The following SRRM3 variants were observed in gnomAD, a reference collection of about 807,000 sequenced individuals.
SRRM3 encodes the protein serine/arginine repetitive matrix 3.
Under a neutral mutation model 66.2 loss-of-function variants are expected in SRRM3, and 27 were observed. The ratio of observed to expected loss-of-function variants is 0.41; its 90% CI spans 0.30 to 0.56. The LOEUF (loss-of-function observed/expected upper bound fraction) is 0.56. Ranked by LOEUF, SRRM3 falls within the 20% of genes least tolerant of loss-of-function variation. The probability of loss-of-function intolerance (pLI) is 0.32; values close to 1 mark genes in which losing one functional copy is unlikely to be tolerated. For missense variants in SRRM3, 918 were observed against 991.9 expected (o/e 0.93, Z 1.00); for synonymous variants, 391 against 414.9 (o/e 0.94, Z 0.70).
intron 1 of SRRM3, among the ~76,000 whole-genome samples, chr7:76,234,474 A>C (rs1280857628): frequency 6.6e-6 from 1 of 152,070 alleles, no homozygotes; most frequent in Non-Finnish European, 1.5e-5. Flanking sequence ...TCAAACAGAG[A>C]GCTAAAATCT....
At chr7:76,208,516 AG>A (rs1282663826) in intron 1 of SRRM3, among the ~76,000 whole-genome samples, 2 of 149,640 alleles carry the variant, frequency 1.3e-5, no homozygotes, top group African/African-American at 4.9e-5. Flanking sequence ...AAAAAAAAAA[AG>A]AAGAAGAAGA....
chr7:76,221,074 T>C (rs1583875957), intron 1 of SRRM3, among the ~76,000 whole-genome samples: 2 of 150,654 alleles, frequency 1.3e-5, no homozygotes, highest in East Asian at 1.9e-4. Context: ...TTTTTTTTTT[T>C]CCAGACAAGG....
intron 8 of SRRM3, 109 bp downstream of exon 8, chr7:76,261,690 A>C: frequency 8.0e-7 from 1 of 1,243,778 alleles, no homozygotes; most frequent in Non-Finnish European, 1.1e-6. Flanking sequence ...TCCATCCTTC[A>C]GCTCCAGGGT....
chr7:76,254,212 G>A (rs1168751955), intron 3 of SRRM3, among the ~76,000 whole-genome samples: 1 of 151,514 alleles, frequency 6.6e-6, no homozygotes, highest in Non-Finnish European at 1.5e-5. Flanking sequence ...TACAGACGGG[G>A]GTCTTGCTTT....
Position 76,220,659 on chromosome 7 carries a change from C to A in SRRM3, c.-39-14369C>A, listed in dbSNP as rs782468192. ...TGCCCAGGCATGGCTGGACCCAGCC[C>A]TAGACTGAAAAGGGGAGGGCAGAAG... On this transcript the variant is annotated intron_variant, in intron 1 of 14. Transcript: ENST00000611745. Among the ~76,000 whole-genome samples, 29 of 152,204 alleles carry A rather than the reference C, an allele frequency of 1.9e-4. 1 individual carries two copies. Among genetic ancestry groups the A allele is most frequent in the Non-Finnish European group, 2.1e-4 (14 of 68,040 alleles).
rs537923961 is a variant in SRRM3, at chr7:76,245,093, T to C, written c.234-3095T>C. Among the ~76,000 whole-genome samples the C allele has an allele frequency of 2.0e-5, 3 of 152,318 alleles. No homozygotes were observed. In the South Asian group the frequency reaches 6.2e-4, roughly 32 times the overall value. ...GCAAACGCTAGCATTGAACCTGCGA[T>C]GGGGGGAGGCATCCATCTTACTGTA... On this transcript the variant is annotated intron_variant, in intron 2 of 14. Coordinates refer to ENST00000611745, the MANE Select transcript of SRRM3 (RefSeq NM_001110199.3).
intron 6 of SRRM3, 68 bp downstream of exon 6, chr7:76,260,971 C>T: frequency 6.6e-7 from 1 of 1,509,902 alleles, no homozygotes; most frequent in Non-Finnish European, 9.0e-7. Context: ...ATTCCAAGGC[C>T]ATCCCCCAGA....
chr7:76,248,840 C>A (rs923256452), intron 3 of SRRM3, among the ~76,000 whole-genome samples: 1 of 152,092 alleles, frequency 6.6e-6, no homozygotes, highest in African/African-American at 2.4e-5. Context: ...GTTATCCGGG[C>A]ATAGTGGCAC....
At chr7:76,252,745 A>G (rs1454643659) in intron 3 of SRRM3, among the ~76,000 whole-genome samples, 2 of 152,206 alleles carry the variant, frequency 1.3e-5, no homozygotes, top group Non-Finnish European at 2.9e-5. Context: ...TCTTGACATC[A>G]TAGGGAATGT....
chr7:76,245,678 T>TTTTG (rs782049186), intron 2 of SRRM3, among the ~76,000 whole-genome samples: 12 of 152,282 alleles, frequency 7.9e-5, no homozygotes, highest in South Asian at 4.1e-4. Flanking sequence ...CTTGTTGGTT[T>TTTTG]TTTGTTTGTT....
intron 11 of SRRM3, chr7:76,273,176 T>C (rs551871117): frequency 6.6e-6 from 1 of 152,330 alleles, no homozygotes; most frequent in African/African-American, 2.4e-5. Context: ...TGCCTGACTT[T>C]GTCTGTTCGT....
intron 2 of SRRM3, among the ~76,000 whole-genome samples, chr7:76,241,259 T>C (rs149157074): frequency 1.3e-5 from 2 of 152,326 alleles, no homozygotes; most frequent in African/African-American, 4.8e-5. Flanking sequence ...TGCATGGCCC[T>C]AGGCTGGCCG....
At chr7:76,221,520 G>A (rs949155139) in intron 1 of SRRM3, among the ~76,000 whole-genome samples, 1 of 151,800 alleles carries the variant, frequency 6.6e-6, no homozygotes, top group South Asian at 2.1e-4. Flanking sequence ...CCACCACCAC[G>A]CCCAGCTAAT....
At position 76,254,072 on chromosome 7, in the gene SRRM3, G is replaced by A. The variant is rs148028725; in HGVS notation, c.335+5783G>A. ...TCACTGTCACCCAGGCTGGAGTGCAGTGACACAATCACAGCTCATTGCTGC... is the reference window on the plus strand; with the variant it reads ...TCACTGTCACCCAGGCTGGAGTGCAATGACACAATCACAGCTCATTGCTGC... On this transcript the variant is annotated intron_variant, in intron 3 of 14. Coordinates refer to ENST00000611745, the MANE Select transcript of SRRM3 (RefSeq NM_001110199.3). 1.3e-3 allele frequency among the ~76,000 whole-genome samples: 197 copies of A among 152,016 alleles called. 8 individuals carry two copies. In the South Asian group the frequency reaches 0.037, roughly 28 times the overall value.
Position 76,267,364 on chromosome 7 carries a change from C to T in SRRM3, c.937C>T (p.Arg313Trp). Residue 313 changes from arginine (R) to tryptophan (W), a missense_variant, in exon 11 of 15, where the codon CGG (arginine) becomes TGG (tryptophan). Coordinates refer to ENST00000611745, the MANE Select transcript of SRRM3 (RefSeq NM_001110199.3). The part of the protein sequence containing the change: ...SGGSGWGSPQ[R>W]NGGSGQRSGA... Reference sequence around the variant, plus strand: ...CGGCAGCGGATGGGGGTCGCCCCAGCGGAACGGCGGCAGCGGGCAGCGGAG... The same window carrying T: ...CGGCAGCGGATGGGGGTCGCCCCAGTGGAACGGCGGCAGCGGGCAGCGGAG... 1.3e-5 allele frequency: 19 copies of T among 1,475,756 alleles called. No homozygotes were observed. Among genetic ancestry groups the T allele is most frequent in the Admixed American group, 2.9e-5 (1 of 34,848 alleles). The allele number at this position is 1,475,756 out of a possible 1,614,324, so 91.4% of individuals were successfully genotyped here. A position where few individuals can be genotyped will look rare whatever the true frequency, so the allele number is the denominator to read the frequency against.
Position 76,283,032 on chromosome 7 carries a change from G to A in SRRM3, c.1664G>A (p.Arg555His), listed in dbSNP as rs1554612237. Residue 555 changes from arginine (R) to histidine (H), a missense_variant, in exon 14 of 15, where the codon CGC becomes CAC. Arg to His is a conservative substitution (Grantham distance 29). Transcript: ENST00000611745. ...AEATRARRRS[R>H]SYSPIRKRRR... The stretch of plus-strand genomic sequence containing the variant: ...GCCACCCGCGCCCGGCGCCGCTCCC[G>A]CAGCTACTCGCCCATCCGCAAGCGG... The A allele has an allele frequency of 6.7e-7, 1 of 1,487,280 alleles. No homozygotes were observed. The highest frequency in any genetic ancestry group is 2.7e-5 in the East Asian group (1 of 36,842). 92.1% of individuals were successfully genotyped at this position (1,487,280 alleles called of 1,614,324 possible).
chr7:76,267,521 G>C, intron 11 of SRRM3, 86 bp downstream of exon 11: 1 of 391,126 alleles, frequency 2.6e-6, no homozygotes. Flanking sequence ...GGCAGGGGGC[G>C]ATAAGTGTGG....
intron 1 of SRRM3, among the ~76,000 whole-genome samples, chr7:76,208,507 A>C (rs1156571605): frequency 1.1e-5 from 1 of 89,300 alleles, no homozygotes; most frequent in East Asian, 6.3e-4. Flanking sequence ...TATCTCTACA[A>C]AAAAAAAAAG....
intron 3 of SRRM3, among the ~76,000 whole-genome samples, chr7:76,255,755 A>AT (rs1382936049): frequency 6.6e-5 from 10 of 152,166 alleles, no homozygotes; most frequent in African/African-American, 2.4e-4. Context: ...GCCTGGTTAC[A>AT]TTTTTTAAAA....
Sources: allele counts gnomAD v4.1 joint callset (sites outside exome capture counted in the v4.1 genomes callset), GRCh38; gene constraint gnomAD v4.1.1; transcripts MANE v1.5; gene names NCBI Gene and HGNC (gene_info 2026-07-23, HGNC 2026-07-21).